The following RSRC1 variants were observed in gnomAD, a reference collection of about 807,000 sequenced individuals.
The protein encoded by RSRC1 is serine/Arginine-related protein 53.
Under a neutral mutation model 49.1 loss-of-function variants are expected in RSRC1, and 39 were observed. That is an observed-to-expected ratio of 0.79 (90% CI 0.61 to 1.04). The LOEUF is 1.04. Ranked by LOEUF, RSRC1 falls within the 50% of genes least tolerant of loss-of-function variation. The pLI is 0.00. For missense variants in RSRC1, 388 were observed against 402.4 expected (o/e 0.96, Z 0.31); for synonymous variants, 143 against 130.8 (o/e 1.09, Z -0.63).
chr3:158,538,349 A>G (rs73877219), intron 8 of RSRC1, among the ~76,000 whole-genome samples: 2 of 151,848 alleles, frequency 1.3e-5, no homozygotes, highest in Non-Finnish European at 2.9e-5. Flanking sequence ...TGAACTTTTG[A>G]TAGTTTGCCA....
chr3:158,176,095 G>A (rs1719196558), intron 3 of RSRC1, among the ~76,000 whole-genome samples: 1 of 152,020 alleles, frequency 6.6e-6, no homozygotes, highest in Admixed American at 6.6e-5. Context: ...AACTTACAAG[G>A]GATGTGAAGG....
chr3:158,156,664 A>G (rs1717897053), intron 3 of RSRC1, among the ~76,000 whole-genome samples: 1 of 152,200 alleles, frequency 6.6e-6, no homozygotes, highest in Admixed American at 6.5e-5. Context: ...AAATTTCAAT[A>G]TCGTTGTATT....
At chr3:158,113,469 A>C (rs934074159) in intron 1 of RSRC1, among the ~76,000 whole-genome samples, 1 of 151,660 alleles carries the variant, frequency 6.6e-6, no homozygotes, top group Non-Finnish European at 1.5e-5. Context: ...CCCTGGTTCA[A>C]GCAACTCTCC....
intron 6 of RSRC1, among the ~76,000 whole-genome samples, chr3:158,444,688 C>T (rs1736590300): frequency 6.6e-6 from 1 of 152,136 alleles, no homozygotes. Flanking sequence ...AGCTTCTACA[C>T]AGCAAAAGAA....
intron 6 of RSRC1, among the ~76,000 whole-genome samples, chr3:158,443,957 A>T (rs527791091): frequency 6.6e-6 from 1 of 152,272 alleles, no homozygotes; most frequent in South Asian, 2.1e-4. Flanking sequence ...AGTTGGTGGC[A>T]CAGTCAGAAA....
At chr3:158,478,948 CAA>C (rs10603914) in intron 7 of RSRC1, among the ~76,000 whole-genome samples, 22,883 of 112,222 alleles carry the variant, frequency 0.2, 1,842 homozygotes, top group African/African-American at 0.25. Context: ...GGAGAAAAAG[CAA>C]AAAAAAAAAA....
chr3:158,276,199 C>G, intron 4 of RSRC1: 2 of 814,856 alleles, frequency 2.5e-6, no homozygotes, highest in Non-Finnish European at 4.3e-6. Flanking sequence ...CCCTTAGGAA[C>G]TGGGCATTTT....
chr3:158,129,582 C>T lies in RSRC1; in HGVS notation c.320+5591C>T, dbSNP rs1049490294. ...CTGGGATTACAAGCATAAGCCACCG[C>T]GCCTGGCCAGTCTAGCCCTATTTTC... On this transcript the variant is annotated intron_variant, in intron 3 of 9. Transcript: ENST00000611884. 1.1e-4 allele frequency among the ~76,000 whole-genome samples: 17 copies of T among 152,092 alleles called. 1 individual carries two copies. Among genetic ancestry groups the T allele is most frequent in the Non-Finnish European group, 2.1e-4 (14 of 68,018 alleles).
At chr3:158,152,878 T>C (rs886843378) in intron 3 of RSRC1, among the ~76,000 whole-genome samples, 6 of 152,244 alleles carry the variant, frequency 3.9e-5, no homozygotes, top group Admixed American at 3.9e-4. Flanking sequence ...TGTTTTATCT[T>C]AGGCTTAAAA....
chr3:158,209,306 G>C (rs997628983), intron 4 of RSRC1, among the ~76,000 whole-genome samples: 26 of 152,026 alleles, frequency 1.7e-4, no homozygotes, highest in Non-Finnish European at 1.3e-4. Context: ...TTCTTATAAG[G>C]CTTCCCCCTC....
At chr3:158,195,961 G>A (rs1035722720) in intron 3 of RSRC1, among the ~76,000 whole-genome samples, 47 of 152,120 alleles carry the variant, frequency 3.1e-4, no homozygotes, top group Admixed American at 6.5e-4. Flanking sequence ...TTTTGGCTTA[G>A]GATTGACTTG....
intron 7 of RSRC1, among the ~76,000 whole-genome samples, chr3:158,499,393 T>G (rs1739493949): frequency 6.8e-6 from 1 of 146,150 alleles, no homozygotes; most frequent in African/African-American, 2.5e-5. Context: ...AAAAACAGAG[T>G]TTTTTTTTTT....
chr3:158,226,666 T>C (rs1458664910), intron 4 of RSRC1, among the ~76,000 whole-genome samples: 1 of 151,918 alleles, frequency 6.6e-6, no homozygotes, highest in African/African-American at 2.4e-5. Context: ...TTCTTACAAA[T>C]GTTAGGGGTG....
chr3:158,544,288 T>C lies in RSRC1; in HGVS notation c.*13T>C, dbSNP rs764554193. On this transcript the variant is annotated 3_prime_UTR_variant, in exon 10 of 10. Transcript: ENST00000611884. ...TCCTGTGGCCTAAGTAATATACATA[T>C]AGTTGGATTGGATTGTCAGCAGTAA... 2.7e-6 allele frequency: 4 copies of C among 1,507,890 alleles called. No homozygotes were observed. Among genetic ancestry groups the C allele is most frequent in the East Asian group, 2.3e-5 (1 of 43,782 alleles). 93.4% of individuals were successfully genotyped at this position (1,507,890 alleles called of 1,614,324 possible).
chr3:158,284,045 C>T (rs1360257891), intron 4 of RSRC1, among the ~76,000 whole-genome samples: 1 of 149,806 alleles, frequency 6.7e-6, no homozygotes, highest in South Asian at 2.2e-4. Flanking sequence ...TCCCCCCTTC[C>T]CCCCACCCCA....
chr3:158,428,398 C>G (rs974041757), intron 6 of RSRC1, among the ~76,000 whole-genome samples: 29 of 151,934 alleles, frequency 1.9e-4, no homozygotes, highest in Non-Finnish European at 1.5e-4. Context: ...TGGTGAAGAG[C>G]AGAACCGTTC....
At chr3:158,259,581 A>G (rs1724773887) in intron 4 of RSRC1, among the ~76,000 whole-genome samples, 1 of 152,114 alleles carries the variant, frequency 6.6e-6, no homozygotes, top group Non-Finnish European at 1.5e-5. Context: ...CTGTCTGGCT[A>G]CTGCGTATGT....
chr3:158,357,497 A>C (rs1321215981), intron 6 of RSRC1, among the ~76,000 whole-genome samples: 1 of 152,096 alleles, frequency 6.6e-6, no homozygotes, highest in African/African-American at 2.4e-5. Flanking sequence ...CACCTTTTTG[A>C]AAAATATCCA....
chr3:158,424,811 A>G (rs1735309282), intron 6 of RSRC1, among the ~76,000 whole-genome samples: 1 of 151,814 alleles, frequency 6.6e-6, no homozygotes, highest in East Asian at 1.9e-4. Flanking sequence ...GTCTTGGGAG[A>G]GTGTATGTGT....
Sources: allele counts gnomAD v4.1 joint callset (sites outside exome capture counted in the v4.1 genomes callset), GRCh38; gene constraint gnomAD v4.1.1; transcripts MANE v1.5; gene names NCBI Gene and HGNC (gene_info 2026-07-23, HGNC 2026-07-21).